KCNQ3: variants seen among roughly 807,000 people sequenced by gnomAD.
KCNQ3 encodes potassium voltage-gated channel subfamily KQT member 3.
KCNQ3 carries 30 observed loss-of-function variants against 92.5 expected under a neutral mutation model. The ratio of observed to expected loss-of-function variants is 0.32; its 90% confidence interval spans 0.24 to 0.44. The LOEUF is 0.44. Ranked by LOEUF, KCNQ3 falls within the 20% of genes least tolerant of loss-of-function variation. The pLI is 1.00. For synonymous variants in KCNQ3, 450 were observed against 468.8 expected, an observed-to-expected ratio of 0.96 and a Z score of 0.52; for missense variants, 913 against 1,140.3, an observed-to-expected ratio of 0.80 and a Z score of 2.87.
intron 1 of KCNQ3, among the ~76,000 whole-genome samples, chr8:132,330,426 GATCT>G (rs1193911329): frequency 6.6e-6 from 1 of 152,120 alleles, no homozygotes. Flanking sequence ...ACCTCCAGGG[GATCT>G]ATCTCTCTCC....
rs115011907 is a variant in KCNQ3 at position 132,414,075 on chromosome 8, T to G, written c.386+66072A>C. 5.9e-3 allele frequency among the ~76,000 whole-genome samples: 892 copies of G among 152,346 alleles called. 7 individuals are homozygous for G. The highest frequency in any genetic ancestry group is 0.02 in the African/African-American group (846 of 41,582). Reference sequence around the variant, plus strand: ...AGGCCCCAGGACACAAAATAATAGTTAATAATAGTGAGCACATCTACCATG... The same window carrying G: ...AGGCCCCAGGACACAAAATAATAGTGAATAATAGTGAGCACATCTACCATG... On this transcript the variant is annotated intron_variant, in intron 1 of 14. Transcript: ENST00000388996.
intron 1 of KCNQ3, among the ~76,000 whole-genome samples, chr8:132,377,625 G>A (rs1819646463): frequency 1.3e-5 from 2 of 152,110 alleles, no homozygotes; most frequent in Non-Finnish European, 1.5e-5. Context: ...AAACCTACAG[G>A]GATGGTTTGT....
intron 8 of KCNQ3, among the ~76,000 whole-genome samples, chr8:132,167,191 A>T (rs78673097): frequency 0.013 from 1,992 of 152,336 alleles, 42 homozygotes; most frequent in African/African-American, 0.044. Context: ...ACAATATATC[A>T]TATGATTTCA....
Position 132,124,356 on chromosome 8 carries a change from AT to A in KCNQ3, c.*4905del, listed in dbSNP as rs1162806867. On this transcript the variant is annotated 3_prime_UTR_variant, in exon 15 of 15. Coordinates refer to ENST00000388996, the MANE Select transcript of KCNQ3 (RefSeq NM_004519.4). ...TGAAGTCCATGCATACTGTAAAAAAATAACATAAATAACAGTCCCTAGTATG... is the reference window on the plus strand; with the variant it reads ...TGAAGTCCATGCATACTGTAAAAAAAAACATAAATAACAGTCCCTAGTATG... 1 of 152,266 alleles carries A rather than the reference AT, an allele frequency of 6.6e-6. No individual in the cohort carries two copies. Among genetic ancestry groups the A allele is most frequent in the African/African-American group, 2.4e-5 (1 of 41,468 alleles). The allele number at this position is 152,266 out of a possible 1,614,324, so 9.4% of individuals were successfully genotyped here.
chr8:132,366,988 AT>A (rs1410561477), intron 1 of KCNQ3, among the ~76,000 whole-genome samples: 1 of 152,144 alleles, frequency 6.6e-6, no homozygotes, highest in Non-Finnish European at 1.5e-5. Flanking sequence ...AGTTTTTCTT[AT>A]TTTTCGATCT....
intron 1 of KCNQ3, among the ~76,000 whole-genome samples, chr8:132,443,207 T>G (rs1398168616): frequency 2.0e-5 from 3 of 152,162 alleles, no homozygotes; most frequent in Non-Finnish European, 4.4e-5. Context: ...GGTTAGCTTT[T>G]GTAGAAATCC....
At chr8:132,359,425 G>A (rs1819105660) in intron 1 of KCNQ3, among the ~76,000 whole-genome samples, 1 of 152,114 alleles carries the variant, frequency 6.6e-6, no homozygotes. Flanking sequence ...TGCTCACTGT[G>A]TCCTGCTGGG....
chr8:132,441,750 G>A (rs1233684256), intron 1 of KCNQ3, among the ~76,000 whole-genome samples: 4 of 152,128 alleles, frequency 2.6e-5, no homozygotes, highest in African/African-American at 7.2e-5. Flanking sequence ...CAGTGTATAA[G>A]CATTCCTTTT....
intron 2 of KCNQ3, among the ~76,000 whole-genome samples, chr8:132,185,646 G>C (rs1031177053): frequency 6.6e-6 from 1 of 152,196 alleles, no homozygotes; most frequent in Non-Finnish European, 1.5e-5. Flanking sequence ...CCCCAGGAGG[G>C]GAGATTTAGA....
intron 1 of KCNQ3, among the ~76,000 whole-genome samples, chr8:132,473,026 TA>T (rs1188674406): frequency 6.6e-6 from 1 of 152,194 alleles, no homozygotes; most frequent in Non-Finnish European, 1.5e-5. Context: ...ACAGCAGAGT[TA>T]AATGCAACCA....
chr8:132,150,702 A>T (rs1825609074), intron 9 of KCNQ3, among the ~76,000 whole-genome samples: 1 of 151,752 alleles, frequency 6.6e-6, no homozygotes, highest in African/African-American at 2.4e-5. Context: ...GAGGGGAGAG[A>T]CCTCTGTTTT....
intron 1 of KCNQ3, among the ~76,000 whole-genome samples, chr8:132,225,879 T>C (rs544555241): frequency 1.3e-5 from 2 of 152,330 alleles, no homozygotes; most frequent in South Asian, 4.1e-4. Flanking sequence ...TCAACTGATA[T>C]GAACAAGGAG....
At chr8:132,280,205 G>C (rs1339462613) in intron 1 of KCNQ3, among the ~76,000 whole-genome samples, 2 of 152,208 alleles carry the variant, frequency 1.3e-5, no homozygotes, top group Non-Finnish European at 2.9e-5. Flanking sequence ...CATGATTGAA[G>C]GGGGTTAGCT....
In KCNQ3 at chr8:132,416,577, G is replaced by A. The variant is rs118027114; in HGVS notation, c.386+63570C>T. Among the ~76,000 whole-genome samples the A allele has an allele frequency of 8.5e-4, 130 of 152,208 alleles. 2 individuals carry two copies. The East Asian group carries it at 0.02, about 24-fold the overall frequency. The stretch of plus-strand genomic sequence containing the variant: ...AGAGGCTGCAGTGTGAGCTGAGATC[G>A]TACAACTGCACTCCAGCCTGCGTGA... On this transcript the variant is annotated intron_variant, in intron 1 of 14. Transcript: ENST00000388996.
At chr8:132,140,390 A>G (rs764152794) in intron 10 of KCNQ3, 3 of 560,014 alleles carry the variant, frequency 5.4e-6, no homozygotes, top group Non-Finnish European at 9.6e-6. Flanking sequence ...CCAAGTCAAA[A>G]GTGTGCGCAG....
intron 1 of KCNQ3, among the ~76,000 whole-genome samples, chr8:132,398,017 C>A (rs780132765): frequency 3.0e-4 from 46 of 152,128 alleles, no homozygotes; most frequent in Non-Finnish European, 5.4e-4. Context: ...TGTCTTCGGG[C>A]GGTTACACAA....
chr8:132,153,326 C>T (rs989614749), intron 9 of KCNQ3, among the ~76,000 whole-genome samples: 1 of 152,136 alleles, frequency 6.6e-6, no homozygotes, highest in Non-Finnish European at 1.5e-5. Flanking sequence ...CAAAGAGATC[C>T]TTTTCTCTGC....
At chr8:132,219,679 T>C (rs1305900874) in intron 1 of KCNQ3, among the ~76,000 whole-genome samples, 1 of 152,152 alleles carries the variant, frequency 6.6e-6, no homozygotes, top group Non-Finnish European at 1.5e-5. Context: ...AATATAAATG[T>C]AATGATGTCA....
intron 7 of KCNQ3, 102 bp downstream of exon 7, chr8:132,172,496 G>T: frequency 9.5e-7 from 1 of 1,054,656 alleles, no homozygotes; most frequent in Non-Finnish European, 1.5e-6. Context: ...TCATGAGTAT[G>T]TCCCCTCCAC....
Sources: allele counts gnomAD v4.1 joint callset (sites outside exome capture counted in the v4.1 genomes callset), GRCh38; gene constraint gnomAD v4.1.1; transcripts MANE v1.5; gene names NCBI Gene and HGNC (gene_info 2026-07-23, HGNC 2026-07-21).